EPG5: variants seen among roughly 807,000 people sequenced by gnomAD.
The protein encoded by EPG5 is ectopic P-granules 5 autophagy tethering factor.
EPG5 carries 159 observed loss-of-function variants against 302.7 expected under a neutral mutation model. That is an observed-to-expected ratio of 0.53 (90% confidence interval 0.46 to 0.60). The LOEUF is 0.60. EPG5 is among the 20% of genes least tolerant of loss of function. The pLI is 0.00. For synonymous variants in EPG5, 1,158 were observed against 1,136.8 expected (o/e 1.02, Z -0.37); for missense variants, 2,896 against 3,092.4 (o/e 0.94, Z 1.51).
intron 12 of EPG5, among the ~76,000 whole-genome samples, chr18:45,930,095 C>T (rs1343110568): frequency 6.6e-6 from 1 of 152,156 alleles, no homozygotes; most frequent in Non-Finnish European, 1.5e-5. Flanking sequence ...CCTAGATGCT[C>T]AGGGGTCCAA....
At chr18:45,951,017 G>A (rs1344795735) in intron 4 of EPG5, 85 bp downstream of exon 4, 2 of 1,137,872 alleles carry the variant, frequency 1.8e-6, no homozygotes, top group East Asian at 2.8e-5. Context: ...AAAAGTTGAA[G>A]ACCAAATGTA....
rs189378081 is a variant in EPG5, at chr18:45,915,147, G to A, written c.3693+364C>T. On this transcript the variant is annotated intron_variant, in intron 20 of 43. Coordinates refer to ENST00000282041, the MANE Select transcript of EPG5 (RefSeq NM_020964.3). Reference sequence around the variant, plus strand: ...TACAAGGTTAGCTGGGCGTGGTGGCGCATGCCTGTAATCCCAGCTACTCGG... The same window carrying A: ...TACAAGGTTAGCTGGGCGTGGTGGCACATGCCTGTAATCCCAGCTACTCGG... Among the ~76,000 whole-genome samples, 237 of 151,912 alleles carry A rather than the reference G, an allele frequency of 1.6e-3. 2 individuals carry two copies. The highest frequency in any genetic ancestry group is 6.8e-3 in the Middle Eastern group (2 of 294).
intron 13 of EPG5, among the ~76,000 whole-genome samples, chr18:45,927,626 A>ACACACACG (rs2050305438): frequency 6.6e-6 from 1 of 150,628 alleles, no homozygotes; most frequent in African/African-American, 2.4e-5. Flanking sequence ...ACACACACAC[A>ACACACACG]CACACACGCA....
chr18:45,941,345 T>C (rs939469787), intron 9 of EPG5, among the ~76,000 whole-genome samples: 1 of 152,174 alleles, frequency 6.6e-6, no homozygotes, highest in Non-Finnish European at 1.5e-5. Flanking sequence ...GACCCAGAAC[T>C]GGCCACTGGA....
chr18:45,896,485 T>C (rs2049478761), intron 27 of EPG5, among the ~76,000 whole-genome samples: 1 of 152,188 alleles, frequency 6.6e-6, no homozygotes, highest in Non-Finnish European at 1.5e-5. Context: ...TCTCCTTTTT[T>C]CCCTCTCTCC....
At chr18:45,930,974 G>A in intron 11 of EPG5, 144 bp from the exon 12 acceptor site, 2 of 741,576 alleles carry the variant, frequency 2.7e-6, no homozygotes, top group South Asian at 2.5e-5. Flanking sequence ...CAGGCATCAG[G>A]AATAAGGCTG....
intron 11 of EPG5, among the ~76,000 whole-genome samples, chr18:45,933,264 A>G (rs1158688842): frequency 6.6e-6 from 1 of 152,204 alleles, no homozygotes; most frequent in East Asian, 1.9e-4. Context: ...GAATAATAAT[A>G]TAAGGAATCC....
chr18:45,830,752 A>ATTTTTTTTTTTTT, the EPG5 span, among the ~76,000 whole-genome samples: 9 of 118,140 alleles, frequency 7.6e-5, no homozygotes, highest in Middle Eastern at 4.1e-3. Context: ...TGCCAGGCTA[A>ATTTTTTTTTTTTT]TTTTTTTTTT....
At chr18:45,824,251 G>A in the EPG5 span, among the ~76,000 whole-genome samples, 3 of 152,194 alleles carry the variant, frequency 2.0e-5, no homozygotes, top group Non-Finnish European at 2.9e-5. Context: ...CTGTCGCCCA[G>A]GCTGGAGGGC....
intron 5 of EPG5, 100 bp downstream of exon 5, chr18:45,949,384 T>C: frequency 1.5e-6 from 1 of 653,642 alleles, no homozygotes; most frequent in East Asian, 2.8e-5. Context: ...AATATTACTC[T>C]TTTTTAAATA....
Position 45,925,808 on chromosome 18 carries a change from T to C in EPG5, c.2648A>G (p.Asn883Ser), listed in dbSNP as rs767545552. The C allele has an allele frequency of 9.5e-6, 15 of 1,579,524 alleles. No homozygotes were observed. In the African/African-American group the frequency reaches 1.8e-4, roughly 19 times the overall value. ...CAGTTTATTCTTCACCACTGTCAGG[T>C]TGTAATTCAATAACCAATCCCGAAT... ...AVIRDWLLNY[N>S]LTVVKNKLAC... The change falls in exon 14 of 44, where the codon AAC (asparagine) becomes AGC (serine). Residue 883 changes from asparagine to serine, a missense_variant. Asn to Ser is a conservative substitution (Grantham distance 46). Transcript: ENST00000282041.
chr18:45,856,240 A>G (rs1252431965), intron 42 of EPG5, among the ~76,000 whole-genome samples: 1 of 152,254 alleles, frequency 6.6e-6, no homozygotes, highest in Middle Eastern at 3.2e-3. Context: ...GATACATGCT[A>G]CAACATAAAT....
intron 32 of EPG5, among the ~76,000 whole-genome samples, chr18:45,879,666 G>A (rs1333790735): frequency 6.6e-6 from 1 of 152,216 alleles, no homozygotes; most frequent in Non-Finnish European, 1.5e-5. Flanking sequence ...ACCGCGCCAG[G>A]CCATCAGTGG....
rs2145126671 is a variant in EPG5, at chr18:45,849,602, C to G, written c.*2865G>C. The G allele has an allele frequency of 6.6e-6, 1 of 152,366 alleles. No homozygotes were observed. The highest frequency in any genetic ancestry group is 1.9e-4 in the East Asian group (1 of 5,184). The allele number at this position is 152,366 out of a possible 1,614,324, so 9.4% of individuals were successfully genotyped here. A position where few individuals can be genotyped will look rare whatever the true frequency, so the allele number is the denominator to read the frequency against. ...TGTACACACTGATTTTGATGATGAA[C>G]TGAGAGGAACCAGGAGGCCGTCACT... On this transcript the variant is annotated 3_prime_UTR_variant, in exon 44 of 44. Coordinates refer to ENST00000282041, the MANE Select transcript of EPG5 (RefSeq NM_020964.3).
Position 45,915,428 on chromosome 18 carries a change from A to G in EPG5, c.3693+83T>C, listed in dbSNP as rs2050005920. 7 of 988,158 alleles carry G rather than the reference A, an allele frequency of 7.1e-6. No homozygotes were observed. The Middle Eastern group carries it at 1.4e-3, about 193-fold the overall frequency. 61.2% of individuals were successfully genotyped at this position (988,158 alleles called of 1,614,324 possible). ...AAGTGCTAAATAAAAGTTAGTTTAGACAATTAGTAATTTCTTTGTAAGGAT... is the reference window on the plus strand; with the variant it reads ...AAGTGCTAAATAAAAGTTAGTTTAGGCAATTAGTAATTTCTTTGTAAGGAT... On this transcript the variant is annotated intron_variant, in intron 20 of 43. Transcript: ENST00000282041.
chr18:45,930,250 T>C (rs563270616), intron 12 of EPG5, among the ~76,000 whole-genome samples: 1 of 152,270 alleles, frequency 6.6e-6, no homozygotes, highest in South Asian at 2.1e-4. Flanking sequence ...AGATGGCCAA[T>C]TAATAGCAGA....
chr18:45,927,332 C>T (rs1048207858), intron 13 of EPG5, among the ~76,000 whole-genome samples: 2 of 152,156 alleles, frequency 1.3e-5, no homozygotes, highest in South Asian at 2.1e-4. Context: ...AGCCACTGTG[C>T]CCAGCCAACA....
At chr18:45,827,360 C>T in the EPG5 span, among the ~76,000 whole-genome samples, 1 of 152,188 alleles carries the variant, frequency 6.6e-6, no homozygotes, top group Non-Finnish European at 1.5e-5. Context: ...CACTACCCCA[C>T]CCCACACAGC....
chr18:45,853,102 G>A, intron 43 of EPG5, among the ~76,000 whole-genome samples: 1 of 152,314 alleles, frequency 6.6e-6, no homozygotes, highest in African/African-American at 2.4e-5. Flanking sequence ...GCCTCATCTT[G>A]CTAAGGTGAA....
Sources: gnomAD v4.1 joint callset for allele counts (sites outside exome capture counted in the v4.1 genomes callset) on GRCh38, gnomAD v4.1.1 for gene constraint, MANE v1.5 for transcripts, NCBI Gene and HGNC (gene_info 2026-07-23, HGNC 2026-07-21) for gene names.